AFG2A: variants seen among roughly 807,000 people sequenced by gnomAD.
The protein encoded by AFG2A is AAA ATPase AFG2A, also known as ATPase family gene 2 protein homolog A.
chr4:123,159,495 C>T, the AFG2A span, among the ~76,000 whole-genome samples: 2 of 152,132 alleles, frequency 1.3e-5, no homozygotes, highest in African/African-American at 4.8e-5. Context: ...CTATGATATG[C>T]ATTGTCTCTG....
the AFG2A span, among the ~76,000 whole-genome samples, chr4:123,071,027 G>A: frequency 1.3e-5 from 2 of 152,186 alleles, no homozygotes; most frequent in Non-Finnish European, 2.9e-5. Context: ...GTAGTTGGCT[G>A]TCAGAAAGTA....
At chr4:123,127,537 G>A in the AFG2A span, among the ~76,000 whole-genome samples, 12 of 151,960 alleles carry the variant, frequency 7.9e-5, no homozygotes, top group Middle Eastern at 3.4e-3. Context: ...GTTTAGCCAC[G>A]GAAGGTAAAC....
the AFG2A span, among the ~76,000 whole-genome samples, chr4:122,948,062 G>T: frequency 6.6e-6 from 1 of 151,972 alleles, no homozygotes. Flanking sequence ...TATTGGCAAG[G>T]CTTCAGGTCA....
chr4:123,168,349 T>C, the AFG2A span, among the ~76,000 whole-genome samples: 1 of 148,310 alleles, frequency 6.7e-6, no homozygotes, highest in South Asian at 2.1e-4. Context: ...AAAGCAAATC[T>C]AAGTCCCTGA....
chr4:123,108,060 C>G, the AFG2A span, among the ~76,000 whole-genome samples: 5 of 152,196 alleles, frequency 3.3e-5, no homozygotes. Context: ...GGGGCCAGGG[C>G]TCCTGCCCGT....
chr4:122,981,071 C>T, the AFG2A span, among the ~76,000 whole-genome samples: 1 of 151,972 alleles, frequency 6.6e-6, no homozygotes, highest in African/African-American at 2.4e-5. Flanking sequence ...AATTCATTGC[C>T]CTGGACCCAT....
chr4:123,093,820 T>A, the AFG2A span, among the ~76,000 whole-genome samples: 1 of 152,216 alleles, frequency 6.6e-6, no homozygotes, highest in Non-Finnish European at 1.5e-5. Flanking sequence ...TTGGAAGCCT[T>A]GTGCCAGCAT....
chr4:123,066,651 A>G, the AFG2A span, among the ~76,000 whole-genome samples: 2 of 152,190 alleles, frequency 1.3e-5, no homozygotes, highest in Non-Finnish European at 2.9e-5. Flanking sequence ...AAGAAACTCT[A>G]GTAGTCACAA....
chr4:123,294,142 G>A, the AFG2A span, among the ~76,000 whole-genome samples: 1 of 152,240 alleles, frequency 6.6e-6, no homozygotes, highest in Non-Finnish European at 1.5e-5. Context: ...CTTCAGAGGG[G>A]AGTGATGTTG....
the AFG2A span, among the ~76,000 whole-genome samples, chr4:122,948,162 A>G: frequency 6.6e-6 from 1 of 152,092 alleles, no homozygotes; most frequent in Non-Finnish European, 1.5e-5. Context: ...CTGACCCCCA[A>G]GTTGTTGAGG....
chr4:123,237,449 C>T, the AFG2A span, among the ~76,000 whole-genome samples: 11 of 151,730 alleles, frequency 7.2e-5, no homozygotes, highest in Middle Eastern at 3.4e-3. Context: ...ATCATAGTGA[C>T]GCCACTTGAG....
At chr4:122,949,509 C>A in the AFG2A span, among the ~76,000 whole-genome samples, 2 of 152,112 alleles carry the variant, frequency 1.3e-5, no homozygotes, top group South Asian at 4.1e-4. Context: ...CTCCGCAGAC[C>A]CAGCAGTCTG....
At chr4:123,072,079 GGCTCTGGAATCAAGTAAAT>G in the AFG2A span, among the ~76,000 whole-genome samples, 2 of 152,182 alleles carry the variant, frequency 1.3e-5, no homozygotes, top group African/African-American at 2.4e-5. Context: ...AATGAGTATA[GGCTCTGGAATCAAGTAAAT>G]GTGCTTTTAA....
the AFG2A span, among the ~76,000 whole-genome samples, chr4:123,008,481 T>A: frequency 3.9e-5 from 6 of 152,230 alleles, no homozygotes; most frequent in Non-Finnish European, 8.8e-5. Flanking sequence ...TTACCTTTTT[T>A]ACTTTATGAT....
At chr4:123,093,307 C>CT in the AFG2A span, among the ~76,000 whole-genome samples, 48 of 151,756 alleles carry the variant, frequency 3.2e-4, no homozygotes, top group African/African-American at 1.1e-3. Flanking sequence ...CTTATGCCCA[C>CT]TTTCATTTAC....
the AFG2A span, chr4:123,056,332 A>C: frequency 1.3e-6 from 2 of 1,525,036 alleles, no homozygotes; most frequent in Non-Finnish European, 8.9e-7. Context: ...CATTGGAAGA[A>C]ATATACATGA....
the AFG2A span, chr4:123,256,002 C>T: frequency 3.1e-6 from 5 of 1,613,648 alleles, no homozygotes; most frequent in Non-Finnish European, 4.2e-6. Flanking sequence ...CATGTTGCCT[C>T]ATTTTCTTTA....
chr4:123,132,096 T>TC, the AFG2A span, among the ~76,000 whole-genome samples: 1 of 152,176 alleles, frequency 6.6e-6, no homozygotes, highest in African/African-American at 2.4e-5. Flanking sequence ...TCTTGGCCTT[T>TC]TCCCCCCCAG....
the AFG2A span, among the ~76,000 whole-genome samples, chr4:123,112,172 G>T: frequency 6.6e-6 from 1 of 152,094 alleles, no homozygotes; most frequent in South Asian, 2.1e-4. Flanking sequence ...GTCTCCCTTT[G>T]AGTGGAAACT....
Sources: gnomAD v4.1 joint callset for allele counts (sites outside exome capture counted in the v4.1 genomes callset) on GRCh38, gnomAD v4.1.1 for gene constraint, MANE v1.5 for transcripts, NCBI Gene and HGNC (gene_info 2026-07-23, HGNC 2026-07-21) for gene names.